Variants in AMPH observed in about 807,000 individuals in gnomAD.
AMPH encodes the protein amphiphysin, also known as amphiphysin (Stiff-Mann syndrome with breast cancer 128kD autoantigen).
A neutral mutation model predicts 99.1 loss-of-function variants in AMPH; 49 were observed. The ratio of observed to expected loss-of-function variants is 0.49; its 90% CI spans 0.39 to 0.63. AMPH has a LOEUF of 0.63. AMPH is among the 20% of genes least tolerant of loss of function. The probability of loss-of-function intolerance (pLI) is 0.00; values close to 1 mark genes in which losing one functional copy is unlikely to be tolerated. For missense variants in AMPH, 759 were observed against 863.4 expected (o/e 0.88, Z 1.52); for synonymous variants, 314 against 317.3 (o/e 0.99, Z 0.11).
intron 11 of AMPH, among the ~76,000 whole-genome samples, chr7:38,446,523 C>T (rs1786789829): frequency 6.6e-6 from 1 of 152,156 alleles, no homozygotes; most frequent in African/African-American, 2.4e-5. Flanking sequence ...ACTATGCTTT[C>T]TGATACTATA....
chr7:38,610,261 A>G (rs1208933659), intron 1 of AMPH, among the ~76,000 whole-genome samples: 2 of 24,028 alleles, frequency 8.3e-5, no homozygotes, highest in Non-Finnish European at 1.5e-4. Flanking sequence ...AAAAAAAAAA[A>G]AAGAAAGAAA....
chr7:38,439,735 C>A (rs1178703904), intron 11 of AMPH, among the ~76,000 whole-genome samples: 1 of 152,098 alleles, frequency 6.6e-6, no homozygotes, highest in African/African-American at 2.4e-5. Context: ...CTGTGGAAAC[C>A]ACAGTGGGAG....
chr7:38,451,007 C>T (rs952870757), intron 11 of AMPH, among the ~76,000 whole-genome samples: 4 of 151,656 alleles, frequency 2.6e-5, no homozygotes, highest in African/African-American at 7.3e-5. Context: ...CCACCTGCCT[C>T]TCAGCCTTCT....
intron 17 of AMPH, among the ~76,000 whole-genome samples, chr7:38,398,148 T>A: frequency 8.2e-6 from 1 of 122,296 alleles, no homozygotes; most frequent in African/African-American, 3.2e-5. Flanking sequence ...AGAGATACCA[T>A]ATGATCCAGC....
At chr7:38,411,882 G>T (rs1245429202) in intron 17 of AMPH, among the ~76,000 whole-genome samples, 2 of 152,162 alleles carry the variant, frequency 1.3e-5, no homozygotes, top group Non-Finnish European at 2.9e-5. Flanking sequence ...CAGAATAAGA[G>T]TTTCTTATCC....
rs1562835312 is a variant in AMPH at position 38,571,301 on chromosome 7, A to ATATATATTTATATATATATTTT, written c.70-36291_70-36290insAAAATATATATATAAATATATA. Among the ~76,000 whole-genome samples, 35 of 73,198 alleles carry ATATATATTTATATATATATTTT rather than the reference A, an allele frequency of 4.8e-4. 1 individual carries two copies. The highest frequency in any genetic ancestry group is 8.0e-4 in the Non-Finnish European group (31 of 38,732). The allele number at this position is 73,198 out of a possible 152,430, so 48.0% of individuals were successfully genotyped here. On this transcript the variant is annotated intron_variant, in intron 1 of 20. Coordinates refer to ENST00000356264, the MANE Select transcript of AMPH (RefSeq NM_001635.4). ...TATTTTTATATATATTTATATATGA[A>ATATATATTTATATATATATTTT]TATATATATTTATATATAGAATATA... is the stretch of plus-strand genomic sequence containing the variant.
chr7:38,417,701 C>CATGTTTGGA lies in AMPH; in HGVS notation c.1398+123_1398+124insTCCAAACAT. ...CATGAAGGCTATTTGAACCTGGGAG[C>CATGTTTGGA]TACGACAGATATGGAGCATGTTTGG... is the stretch of plus-strand genomic sequence containing the variant. On this transcript the variant is annotated intron_variant, in intron 17 of 20. Coordinates refer to ENST00000356264, the MANE Select transcript of AMPH (RefSeq NM_001635.4). 3 of 1,276,394 alleles carry CATGTTTGGA rather than the reference C, an allele frequency of 2.4e-6. No homozygotes were observed. The East Asian group carries it at 7.2e-5, about 31-fold the overall frequency. 79.1% of individuals were successfully genotyped at this position (1,276,394 alleles called of 1,614,324 possible).
intron 1 of AMPH, among the ~76,000 whole-genome samples, chr7:38,588,325 C>T (rs1792739672): frequency 6.6e-6 from 1 of 151,982 alleles, no homozygotes. Context: ...TATTTTTCTC[C>T]CAACTTTAGT....
intron 11 of AMPH, among the ~76,000 whole-genome samples, chr7:38,438,657 G>C (rs1786385721): frequency 6.6e-6 from 1 of 152,074 alleles, no homozygotes. Flanking sequence ...GACTATAATG[G>C]GCTATGCTCA....
chr7:38,469,391 A>G (rs1787793670), intron 7 of AMPH, among the ~76,000 whole-genome samples: 2 of 152,150 alleles, frequency 1.3e-5, no homozygotes, highest in Non-Finnish European at 1.5e-5. Flanking sequence ...GGAAAAATTA[A>G]GTTGAGCTTA....
intron 1 of AMPH, among the ~76,000 whole-genome samples, chr7:38,550,728 T>C (rs148042633): frequency 2.6e-5 from 4 of 152,296 alleles, no homozygotes; most frequent in Non-Finnish European, 5.9e-5. Context: ...CCAATGTCTA[T>C]TTAAGCAGAG....
intron 1 of AMPH, among the ~76,000 whole-genome samples, chr7:38,538,782 A>G (rs950575955): frequency 5.9e-5 from 9 of 152,246 alleles, no homozygotes; most frequent in Non-Finnish European, 1.0e-4. Flanking sequence ...AGAGTGAAGG[A>G]TGACCTCAGA....
At chr7:38,437,944 C>T (rs58689046) in intron 11 of AMPH, among the ~76,000 whole-genome samples, 8,736 of 152,230 alleles carry the variant, frequency 0.057, 646 homozygotes, top group East Asian at 0.35. Flanking sequence ...TTCTGCAGCA[C>T]AGTAACTCCC....
chr7:38,433,781 G>C (rs889630335), intron 12 of AMPH, among the ~76,000 whole-genome samples: 5 of 149,464 alleles, frequency 3.3e-5, no homozygotes, highest in Non-Finnish European at 7.4e-5. Context: ...GCATGTCTCT[G>C]TATAATGCAC....
chr7:38,631,238 C>A (rs1279860534), intron 1 of AMPH, 45 bp downstream of exon 1: 13 of 1,495,098 alleles, frequency 8.7e-6, no homozygotes, highest in Non-Finnish European at 8.9e-6. Context: ...CGGCCAAGCC[C>A]CCGCCTGGCG....
intron 17 of AMPH, among the ~76,000 whole-genome samples, chr7:38,417,086 A>G (rs1266209225): frequency 6.6e-6 from 1 of 152,220 alleles, no homozygotes; most frequent in African/African-American, 2.4e-5. Flanking sequence ...ATTTTTCTGC[A>G]TTTCATAAAT....
intron 5 of AMPH, among the ~76,000 whole-genome samples, chr7:38,487,846 A>G (rs1015973631): frequency 3.9e-5 from 6 of 152,238 alleles, no homozygotes; most frequent in African/African-American, 7.2e-5. Flanking sequence ...AAACGACCCC[A>G]TCAAAAAGTG....
chr7:38,428,545 T>C, intron 14 of AMPH: 1 of 456,726 alleles, frequency 2.2e-6, no homozygotes, highest in Non-Finnish European at 4.4e-6. Context: ...GCATCTGTAC[T>C]GTCTTGTGCT....
chr7:38,453,584 A>T (rs1787117348), intron 11 of AMPH, among the ~76,000 whole-genome samples: 1 of 152,178 alleles, frequency 6.6e-6, no homozygotes, highest in African/African-American at 2.4e-5. Context: ...TCCCCCCACC[A>T]TCAAGTGTCC....
Sources: allele counts gnomAD v4.1 joint callset (sites outside exome capture counted in the v4.1 genomes callset), GRCh38; gene constraint gnomAD v4.1.1; transcripts MANE v1.5; gene names NCBI Gene and HGNC (gene_info 2026-07-23, HGNC 2026-07-21).